Variants in ADAM12 observed in about 807,000 individuals in gnomAD.
The protein encoded by ADAM12 is disintegrin and metalloproteinase domain-containing protein 12.
Under a neutral mutation model 106.4 loss-of-function variants are expected in ADAM12, and 70 were observed. The ratio of observed to expected loss-of-function variants is 0.66; its 90% CI spans 0.54 to 0.80. The LOEUF (loss-of-function observed/expected upper bound fraction) is 0.80. Ranked by LOEUF, ADAM12 falls within the 30% of genes least tolerant of loss-of-function variation. The pLI is 0.00. For synonymous variants in ADAM12, 420 were observed against 433.5 expected (o/e 0.97, Z 0.39); for missense variants, 1,010 against 1,171.9 (o/e 0.86, Z 2.02).
chr10:126,124,232 C>T (rs1228305469), intron 5 of ADAM12, among the ~76,000 whole-genome samples: 1 of 151,612 alleles, frequency 6.6e-6, no homozygotes, highest in Non-Finnish European at 1.5e-5. Context: ...GACTTTTGGT[C>T]TCAGTGTGGT....
At position 126,108,084 on chromosome 10, in the gene ADAM12, T is replaced by C. The variant is rs374561459; in HGVS notation, c.741+509A>G. 3.3e-5 allele frequency among the ~76,000 whole-genome samples: 5 copies of C among 152,296 alleles called. No individual in the cohort carries two copies. The East Asian group carries it at 5.8e-4, about 18-fold the overall frequency. ...ACCTACTTGTTCTTGGCGAGGGATT[T>C]TCCAATAGCTGATTTAGCTGAAAGT... On this transcript the variant is annotated intron_variant, in intron 8 of 22. Transcript: ENST00000448723.
intron 2 of ADAM12, among the ~76,000 whole-genome samples, chr10:126,315,397 C>G (rs1300748214): frequency 6.6e-6 from 1 of 152,194 alleles, no homozygotes; most frequent in African/African-American, 2.4e-5. Flanking sequence ...GTGTTCCTGT[C>G]TGTTATAACC....
chr10:126,248,122 C>T (rs1243643391), intron 3 of ADAM12, among the ~76,000 whole-genome samples: 2 of 152,154 alleles, frequency 1.3e-5, no homozygotes, highest in Admixed American at 1.3e-4. Context: ...CTCTAGGCCT[C>T]AGTGTCCTCA....
chr10:126,242,647 C>A (rs929757998), intron 3 of ADAM12, among the ~76,000 whole-genome samples: 1 of 152,166 alleles, frequency 6.6e-6, no homozygotes, highest in African/African-American at 2.4e-5. Flanking sequence ...TTAATGAAGA[C>A]CAATTGTGCT....
chr10:126,079,157 A>C (rs1325828189), intron 11 of ADAM12, among the ~76,000 whole-genome samples: 2 of 152,210 alleles, frequency 1.3e-5, no homozygotes, highest in Non-Finnish European at 2.9e-5. Flanking sequence ...CGATTTGCTA[A>C]ATTGATGTTG....
intron 11 of ADAM12, among the ~76,000 whole-genome samples, chr10:126,078,793 G>A (rs1195962880): frequency 1.3e-5 from 2 of 151,994 alleles, no homozygotes; most frequent in African/African-American, 4.8e-5. Flanking sequence ...GGATTTGACA[G>A]TTCACAGTTA....
At chr10:126,170,358 C>A (rs994534243) in intron 3 of ADAM12, among the ~76,000 whole-genome samples, 1 of 150,580 alleles carries the variant, frequency 6.6e-6, no homozygotes, top group African/African-American at 2.4e-5. Flanking sequence ...GCCCACGGAG[C>A]AGTTCAATTC....
At chr10:126,288,290 G>A (rs1959973970) in intron 2 of ADAM12, among the ~76,000 whole-genome samples, 2 of 152,182 alleles carry the variant, frequency 1.3e-5, no homozygotes, top group African/African-American at 4.8e-5. Context: ...TGCCCTGTGA[G>A]CTGAATTTCT....
intron 3 of ADAM12, among the ~76,000 whole-genome samples, chr10:126,168,375 G>A (rs371778147): frequency 7.9e-5 from 12 of 152,028 alleles, no homozygotes; most frequent in Non-Finnish European, 1.3e-4. Flanking sequence ...TATGAAATCC[G>A]ACCTCATGCT....
intron 3 of ADAM12, among the ~76,000 whole-genome samples, chr10:126,222,874 T>G (rs1277828927): frequency 2.0e-5 from 3 of 152,180 alleles, no homozygotes; most frequent in Non-Finnish European, 4.4e-5. Flanking sequence ...TCCTTAGAGA[T>G]CTCAGCCTTT....
chr10:126,229,863 T>C (rs1458185552), intron 3 of ADAM12, among the ~76,000 whole-genome samples: 1 of 152,304 alleles, frequency 6.6e-6, no homozygotes, highest in East Asian at 1.9e-4. Flanking sequence ...GTCATGCTTC[T>C]GCGCTTTCTA....
At chr10:126,128,799 T>A (rs1159854565) in intron 5 of ADAM12, among the ~76,000 whole-genome samples, 1 of 146,168 alleles carries the variant, frequency 6.8e-6, no homozygotes, top group Non-Finnish European at 1.5e-5. Flanking sequence ...CGTGTCGGAA[T>A]GTGTGCAAGT....
chr10:126,103,821 A>G (rs1287585983), intron 8 of ADAM12, among the ~76,000 whole-genome samples: 4 of 152,246 alleles, frequency 2.6e-5, no homozygotes, highest in South Asian at 2.1e-4. Flanking sequence ...CACAACAGCA[A>G]CAAATATTTT....
chr10:126,130,076 T>C (rs1956276001), intron 5 of ADAM12, among the ~76,000 whole-genome samples: 1 of 152,206 alleles, frequency 6.6e-6, no homozygotes, highest in Non-Finnish European at 1.5e-5. Flanking sequence ...CACCCCAGCT[T>C]CCCTCCAGGT....
intron 5 of ADAM12, among the ~76,000 whole-genome samples, chr10:126,133,748 C>T (rs1299516483): frequency 6.6e-6 from 1 of 152,184 alleles, no homozygotes; most frequent in Non-Finnish European, 1.5e-5. Flanking sequence ...CTACTGCCTC[C>T]CTGTCCCTGT....
At chr10:126,025,564 T>C (rs1017563727) in intron 21 of ADAM12, among the ~76,000 whole-genome samples, 3 of 152,100 alleles carry the variant, frequency 2.0e-5, no homozygotes, top group Admixed American at 6.5e-5. Flanking sequence ...CTACAAGTGA[T>C]TGGGGTACCC....
At chr10:126,252,553 G>A (rs1421069369) in intron 3 of ADAM12, among the ~76,000 whole-genome samples, 4 of 152,108 alleles carry the variant, frequency 2.6e-5, no homozygotes, top group African/African-American at 4.8e-5. Context: ...TTCAACCAAG[G>A]GCAGGAGAAG....
At chr10:126,236,782 G>C (rs1958426332) in intron 3 of ADAM12, among the ~76,000 whole-genome samples, 1 of 152,146 alleles carries the variant, frequency 6.6e-6, no homozygotes, top group Non-Finnish European at 1.5e-5. Context: ...AGCACCCGCA[G>C]GAAGGAGCCC....
chr10:126,284,864 A>T lies in ADAM12; in HGVS notation c.187-5876T>A, dbSNP rs1026252427. On this transcript the variant is annotated intron_variant, in intron 2 of 22. Coordinates refer to ENST00000448723, the MANE Select transcript of ADAM12 (RefSeq NM_001288973.2). ...CACTTTGATTTGTCCTCCTTGGAGA[A>T]AGGATGCTCCCTTACTCTCTTCACT... Among the ~76,000 whole-genome samples the T allele has an allele frequency of 3.9e-5, 6 of 152,200 alleles. No homozygotes were observed. The East Asian group carries it at 1.2e-3, about 29-fold the overall frequency.
Sources: gnomAD v4.1 joint callset for allele counts (sites outside exome capture counted in the v4.1 genomes callset) on GRCh38, gnomAD v4.1.1 for gene constraint, MANE v1.5 for transcripts, NCBI Gene and HGNC (gene_info 2026-07-23, HGNC 2026-07-21) for gene names.